TMTC2: variants seen among roughly 807,000 people sequenced by gnomAD.
TMTC2 encodes the protein transmembrane O-mannosyltransferase targeting cadherins 2, also known as protein O-mannosyl-transferase TMTC2.
TMTC2 carries 43 observed loss-of-function variants against 82.4 expected under a neutral mutation model. The observed-to-expected ratio is 0.52, with a 90% CI of 0.41 to 0.67. The LOEUF (loss-of-function observed/expected upper bound fraction) is 0.67, where lower values mean the gene tolerates loss of function less well. Ranked by LOEUF, TMTC2 falls within the 30% of genes least tolerant of loss-of-function variation. The probability of loss-of-function intolerance (pLI) is 0.00; values close to 1 mark genes in which losing one functional copy is unlikely to be tolerated. For synonymous variants in TMTC2, 408 were observed against 381.9 expected, an observed-to-expected ratio of 1.07 and a Z score of -0.80; for missense variants, 919 against 1,012.4, an observed-to-expected ratio of 0.91 and a Z score of 1.25.
At chr12:82,863,961 T>G (rs1265342562) in intron 2 of TMTC2, among the ~76,000 whole-genome samples, 1 of 152,106 alleles carries the variant, frequency 6.6e-6, no homozygotes, top group Non-Finnish European at 1.5e-5. Context: ...GGGAGGTTAC[T>G]TTTGGTTGAG....
intron 10 of TMTC2, among the ~76,000 whole-genome samples, chr12:83,059,000 A>T (rs2137468571): frequency 6.6e-6 from 1 of 152,014 alleles, no homozygotes; most frequent in East Asian, 1.9e-4. Flanking sequence ...TAAATGAAAT[A>T]ATCTATTCCT....
chr12:82,811,162 G>A (rs1565760539), intron 1 of TMTC2, among the ~76,000 whole-genome samples: 1 of 152,090 alleles, frequency 6.6e-6, no homozygotes, highest in Non-Finnish European at 1.5e-5. Context: ...GGAGGCAGAG[G>A]TTGCAGTGAG....
At position 82,896,357 on chromosome 12, in the gene TMTC2, A is replaced by T. The variant is rs765053759; in HGVS notation, c.1194A>T (p.Leu398Phe). The change falls in exon 3 of 12, where the codon TTA becomes TTT. Residue 398 changes from leucine to phenylalanine, a missense_variant. Transcript: ENST00000321196. ...CGGAGAACATTGTTGTTCTGTCTTT[A>T]TCTTTGTTAATCATACCCTTTGTTC... The part of the protein sequence containing the change: ...PSTENIVVLS[L>F]SLLIIPFVPA... The T allele has an allele frequency of 2.5e-6, 4 of 1,614,096 alleles. No homozygotes were observed. The East Asian group carries it at 6.7e-5, about 27-fold the overall frequency.
chr12:83,038,246 C>A (rs1194087695), intron 9 of TMTC2, among the ~76,000 whole-genome samples: 2 of 151,732 alleles, frequency 1.3e-5, no homozygotes, highest in Non-Finnish European at 2.9e-5. Context: ...ATGTAACTAA[C>A]CTGCACGTTG....
intron 9 of TMTC2, among the ~76,000 whole-genome samples, chr12:83,037,192 G>A (rs1158845351): frequency 6.6e-6 from 1 of 152,206 alleles, no homozygotes; most frequent in East Asian, 1.9e-4. Context: ...CTGGAGGACA[G>A]TGTTAAAATA....
At chr12:82,810,125 A>C (rs1190962981) in intron 1 of TMTC2, among the ~76,000 whole-genome samples, 1 of 152,062 alleles carries the variant, frequency 6.6e-6, no homozygotes, top group Non-Finnish European at 1.5e-5. Flanking sequence ...ATTAGAATCT[A>C]TACATGCTTA....
intron 4 of TMTC2, among the ~76,000 whole-genome samples, chr12:82,936,166 C>A (rs945211568): frequency 1.4e-4 from 22 of 151,742 alleles, no homozygotes; most frequent in African/African-American, 5.1e-4. Context: ...TCAATATTGG[C>A]CCAAGAAAAG....
chr12:83,003,045 G>T (rs1879997624), intron 8 of TMTC2, among the ~76,000 whole-genome samples: 1 of 152,046 alleles, frequency 6.6e-6, no homozygotes, highest in Non-Finnish European at 1.5e-5. Context: ...CTATATGGCT[G>T]CCTTAAGTCT....
In TMTC2 at chr12:82,986,063, C is replaced by T. The variant is rs781259037; in HGVS notation, c.2070+17C>T. On this transcript the variant is annotated intron_variant, in intron 8 of 11. Coordinates refer to ENST00000321196, the MANE Select transcript of TMTC2 (RefSeq NM_152588.3). The stretch of plus-strand genomic sequence containing the variant: ...GCTCTAACAGTGAGTAACCGCCTTC[C>T]TTGGTCTTTAAAACTTGGTTTTCTC... The T allele has an allele frequency of 1.2e-6, 2 of 1,613,798 alleles. No individual in the cohort carries two copies. Among genetic ancestry groups the T allele is most frequent in the Non-Finnish European group, 1.7e-6 (2 of 1,179,800 alleles).
intron 4 of TMTC2, among the ~76,000 whole-genome samples, chr12:82,935,852 T>C (rs933345192): frequency 1.3e-5 from 2 of 151,966 alleles, no homozygotes; most frequent in Non-Finnish European, 2.9e-5. Context: ...TCTTAGTAAA[T>C]ATCCAATCTG....
chr12:82,714,993 C>T (rs1221722192), intron 1 of TMTC2, among the ~76,000 whole-genome samples: 3 of 151,858 alleles, frequency 2.0e-5, no homozygotes, highest in Non-Finnish European at 2.9e-5. Flanking sequence ...ACAAATCTGC[C>T]GGGCACGGTG....
chr12:83,025,652 GC>G (rs1881135003), intron 8 of TMTC2, among the ~76,000 whole-genome samples: 1 of 152,058 alleles, frequency 6.6e-6, no homozygotes, highest in African/African-American at 2.4e-5. Context: ...CAAAACTGCT[GC>G]CCCACTTTAG....
chr12:82,832,258 C>T (rs1331006293), intron 1 of TMTC2, among the ~76,000 whole-genome samples: 1 of 151,588 alleles, frequency 6.6e-6, no homozygotes, highest in Non-Finnish European at 1.5e-5. Context: ...TATAACTCTG[C>T]AAGCTAGTGG....
At chr12:82,790,978 A>G (rs1440835991) in intron 1 of TMTC2, among the ~76,000 whole-genome samples, 1 of 152,100 alleles carries the variant, frequency 6.6e-6, no homozygotes, top group Non-Finnish European at 1.5e-5. Context: ...TAGGGGAGCC[A>G]GTTGAGTGAG....
chr12:82,792,607 C>T (rs958392863), intron 1 of TMTC2, among the ~76,000 whole-genome samples: 1 of 152,050 alleles, frequency 6.6e-6, no homozygotes, highest in African/African-American at 2.4e-5. Flanking sequence ...GCTGGGACAA[C>T]AGACGTGCAT....
At position 82,857,678 on chromosome 12, in the gene TMTC2, G is replaced by A. The variant is rs187015502; in HGVS notation, c.654+98G>A. On this transcript the variant is annotated intron_variant, in intron 2 of 11. Coordinates refer to ENST00000321196, the MANE Select transcript of TMTC2 (RefSeq NM_152588.3). ...AAAGCAAATTTATTCCTCTGCAAGC[G>A]GAATTTAAAATAAGTTCCTTTTTGA... 1.9e-4 allele frequency: 225 copies of A among 1,164,912 alleles called. 1 individual carries two copies. Among genetic ancestry groups the A allele is most frequent in the Admixed American group, 6.2e-4 (22 of 35,466 alleles). 72.2% of individuals were successfully genotyped at this position (1,164,912 alleles called of 1,614,324 possible). A position where few individuals can be genotyped will look rare whatever the true frequency, so the allele number is the denominator to read the frequency against.
chr12:83,081,403 T>C (rs950333878), intron 11 of TMTC2, among the ~76,000 whole-genome samples: 19 of 152,208 alleles, frequency 1.2e-4, no homozygotes, highest in African/African-American at 3.9e-4. Context: ...TGTAGTGAAA[T>C]GTTGGCTTAC....
chr12:82,744,311 T>TA (rs1875569316), intron 1 of TMTC2, among the ~76,000 whole-genome samples: 1 of 152,126 alleles, frequency 6.6e-6, no homozygotes, highest in East Asian at 1.9e-4. Context: ...TAGTCCCAGC[T>TA]ACTCGGGAGG....
intron 4 of TMTC2, among the ~76,000 whole-genome samples, chr12:82,935,175 G>A (rs1385171653): frequency 2.0e-5 from 3 of 152,068 alleles, no homozygotes; most frequent in Admixed American, 6.6e-5. Context: ...CTGCCTTCAA[G>A]AAGAAAGTGC....
Sources: allele counts gnomAD v4.1 joint callset (sites outside exome capture counted in the v4.1 genomes callset), GRCh38; gene constraint gnomAD v4.1.1; transcripts MANE v1.5; gene names NCBI Gene and HGNC (gene_info 2026-07-23, HGNC 2026-07-21).